Variants in DGKB observed in about 807,000 individuals in gnomAD.
DGKB encodes the protein 90 kDa diacylglycerol kinase.
In DGKB, 67 loss-of-function variants were observed where a neutral mutation model predicts 114.3. That is an observed-to-expected ratio of 0.59 (90% CI 0.48 to 0.72). DGKB has a LOEUF of 0.72. DGKB is among the 30% of genes least tolerant of loss of function. DGKB has a pLI of 0.00. For synonymous variants in DGKB, 398 were observed against 323.1 expected (o/e 1.23, Z -2.49); for missense variants, 907 against 975.2 (o/e 0.93, Z 0.93).
intron 2 of DGKB, among the ~76,000 whole-genome samples, chr7:14,805,211 C>G (rs887280530): frequency 6.6e-6 from 1 of 152,098 alleles, no homozygotes; most frequent in African/African-American, 2.4e-5. Flanking sequence ...TATCACTACA[C>G]AACTCCAATG....
At chr7:14,652,260 C>T (rs1176002752) in intron 13 of DGKB, among the ~76,000 whole-genome samples, 1 of 152,138 alleles carries the variant, frequency 6.6e-6, no homozygotes, top group African/African-American at 2.4e-5. Flanking sequence ...TACTACAAGT[C>T]TACAGTAACC....
At chr7:14,352,078 C>T (rs1351676781) in intron 21 of DGKB, among the ~76,000 whole-genome samples, 2 of 152,108 alleles carry the variant, frequency 1.3e-5, no homozygotes, top group Non-Finnish European at 2.9e-5. Flanking sequence ...ATGCTTGTAT[C>T]TAATGCTCAT....
rs181495921 is a variant in DGKB, at chr7:14,653,626, G to A, written c.1134+19303C>T. On this transcript the variant is annotated intron_variant, in intron 13 of 25. Coordinates refer to ENST00000402815, the MANE Select transcript of DGKB (RefSeq NM_001350709.2). ...CATATGTAACTAACCTGCACAATGT[G>A]CACATGTACTCTAAAACTTAAAGTA... 8.3e-3 allele frequency among the ~76,000 whole-genome samples: 1,249 copies of A among 150,622 alleles called. 16 individuals are homozygous for A. The highest frequency in any genetic ancestry group is 0.029 in the African/African-American group (1,156 of 40,510).
intron 5 of DGKB, among the ~76,000 whole-genome samples, chr7:14,721,371 T>C (rs897144783): frequency 6.6e-6 from 1 of 152,212 alleles, no homozygotes; most frequent in African/African-American, 2.4e-5. Context: ...TGTACACATA[T>C]AATTTGTATT....
intron 25 of DGKB, among the ~76,000 whole-genome samples, chr7:14,152,108 C>CT (rs542569699): frequency 5.3e-5 from 8 of 151,854 alleles, no homozygotes; most frequent in Non-Finnish European, 8.8e-5. Context: ...AACATTCTTG[C>CT]TTTTTTTATT....
chr7:14,504,108 C>G (rs1468044513), intron 20 of DGKB, among the ~76,000 whole-genome samples: 1 of 152,142 alleles, frequency 6.6e-6, no homozygotes, highest in Non-Finnish European at 1.5e-5. Context: ...GAACTGAAAA[C>G]AACCACAATA....
chr7:14,468,186 A>G (rs916863414), intron 21 of DGKB, among the ~76,000 whole-genome samples: 1 of 152,210 alleles, frequency 6.6e-6, no homozygotes, highest in Admixed American at 6.6e-5. Context: ...GTCAATTCCA[A>G]ATACAGATCT....
intron 1 of DGKB, among the ~76,000 whole-genome samples, chr7:14,857,453 C>T (rs58021112): frequency 0.39 from 59,191 of 151,754 alleles, 12,256 homozygotes; most frequent in East Asian, 0.63. Context: ...AGAGAATTCA[C>T]CTACACCAGG....
chr7:14,713,922 T>C (rs1827770004), intron 6 of DGKB, among the ~76,000 whole-genome samples: 2 of 152,158 alleles, frequency 1.3e-5, no homozygotes, highest in Admixed American at 6.6e-5. Flanking sequence ...GAATATCATG[T>C]ATTTTAAAGT....
chr7:14,720,381 T>G (rs1828940550), intron 5 of DGKB, among the ~76,000 whole-genome samples: 1 of 152,088 alleles, frequency 6.6e-6, no homozygotes, highest in Admixed American at 6.6e-5. Context: ...CTTGGCTCAC[T>G]GCAACCTCTG....
intron 23 of DGKB, among the ~76,000 whole-genome samples, chr7:14,188,532 C>A (rs1322867172): frequency 6.9e-6 from 1 of 144,360 alleles, no homozygotes; most frequent in Non-Finnish European, 1.5e-5. Flanking sequence ...TGGTGGCGGG[C>A]GCCTGTAGTC....
chr7:14,265,318 CTT>C lies in DGKB; in HGVS notation c.2122+73195_2122+73196del, dbSNP rs781569705. Among the ~76,000 whole-genome samples the C allele has an allele frequency of 3.7e-3, 253 of 67,726 alleles. 5 individuals carry two copies. Among genetic ancestry groups the C allele is most frequent in the African/African-American group, 0.017 (245 of 14,666 alleles). 44.4% of individuals were successfully genotyped at this position (67,726 alleles called of 152,430 possible). A position where few individuals can be genotyped will look rare whatever the true frequency, so the allele number is the denominator to read the frequency against. On this transcript the variant is annotated intron_variant, in intron 23 of 25. Transcript: ENST00000402815. ...GGACTGCTGTCTTTTCTCTTGCATT[CTT>C]TTTTTTTTTTTTTTTTTTGCTTAGT...
chr7:14,782,075 A>C (rs114389633), intron 2 of DGKB, among the ~76,000 whole-genome samples: 2,946 of 152,300 alleles, frequency 0.019, 93 homozygotes, highest in African/African-American at 0.067. Context: ...CCCAGGCTGA[A>C]GTGCAGTGGT....
Position 14,539,242 on chromosome 7 carries a change from T to A in DGKB, c.1770+34970A>T, listed in dbSNP as rs531722705. Reference sequence around the variant, plus strand: ...TTGATTATGGTGATAGTAGTGAGAATGTATACATATGTCTAAACTCACCAA... The same window carrying A: ...TTGATTATGGTGATAGTAGTGAGAAAGTATACATATGTCTAAACTCACCAA... On this transcript the variant is annotated intron_variant, in intron 20 of 25. Transcript: ENST00000402815. Among the ~76,000 whole-genome samples the A allele has an allele frequency of 1.4e-4, 22 of 152,278 alleles. No homozygotes were observed. The South Asian group carries it at 1.4e-3, about 10-fold the overall frequency.
In DGKB at chr7:14,147,536, C is replaced by A. The variant is rs1309210025; in HGVS notation, c.*1595G>T. 6.6e-6 allele frequency: 1 copy of A among 152,080 alleles called. No homozygotes were observed. The highest frequency in any genetic ancestry group is 1.5e-5 in the Non-Finnish European group (1 of 67,968). The allele number at this position is 152,080 out of a possible 1,614,324, so 9.4% of individuals were successfully genotyped here. ...TTCACTTGAAATCCATAAATCCATG[C>A]ACAGGATTGTGTTCAACAGAATCAC... On this transcript the variant is annotated 3_prime_UTR_variant, in exon 26 of 26. Transcript: ENST00000402815.
intron 23 of DGKB, among the ~76,000 whole-genome samples, chr7:14,235,294 A>G (rs1433624137): frequency 1.3e-5 from 2 of 152,090 alleles, no homozygotes; most frequent in East Asian, 3.9e-4. Context: ...GCATTTAGAA[A>G]GAGGAAAAGG....
At chr7:14,548,347 A>C (rs1016667091) in intron 20 of DGKB, among the ~76,000 whole-genome samples, 1 of 152,248 alleles carries the variant, frequency 6.6e-6, no homozygotes, top group Non-Finnish European at 1.5e-5. Flanking sequence ...TTAAGATTAC[A>C]TAAAGATATG....
chr7:14,549,274 C>G (rs1437766225), intron 20 of DGKB, among the ~76,000 whole-genome samples: 1 of 151,856 alleles, frequency 6.6e-6, no homozygotes, highest in Non-Finnish European at 1.5e-5. Context: ...GTGACCATAG[C>G]CAAAGAAGTT....
intron 23 of DGKB, among the ~76,000 whole-genome samples, chr7:14,289,066 C>A (rs973997123): frequency 1.3e-5 from 2 of 152,132 alleles, no homozygotes; most frequent in Non-Finnish European, 2.9e-5. Flanking sequence ...GAACAGATTT[C>A]TCCTAATTTT....
Sources: allele counts gnomAD v4.1 joint callset (sites outside exome capture counted in the v4.1 genomes callset), GRCh38; gene constraint gnomAD v4.1.1; transcripts MANE v1.5; gene names NCBI Gene and HGNC (gene_info 2026-07-23, HGNC 2026-07-21).